TRPC4: variants seen among roughly 807,000 people sequenced by gnomAD.
The protein encoded by TRPC4 is transient receptor potential cation channel subfamily C member 4, also known as short transient receptor potential channel 4.
TRPC4 carries 49 observed loss-of-function variants against 99.4 expected under a neutral mutation model. That is an observed-to-expected ratio of 0.49 (90% CI 0.39 to 0.63). The LOEUF is 0.63. Ranked by LOEUF, TRPC4 falls within the 20% of genes least tolerant of loss-of-function variation. The pLI is 0.00. For synonymous variants in TRPC4, 454 were observed against 425.9 expected, an observed-to-expected ratio of 1.07 and a Z score of -0.81; for missense variants, 898 against 1,152.9, an observed-to-expected ratio of 0.78 and a Z score of 3.20.
chr13:37,708,932 T>C (rs1287182543), intron 3 of TRPC4, among the ~76,000 whole-genome samples: 2 of 151,964 alleles, frequency 1.3e-5, no homozygotes, highest in Non-Finnish European at 2.9e-5. Context: ...TAGAGGATCA[T>C]TTATGACATA....
At chr13:37,786,608 T>C (rs978362596) in intron 1 of TRPC4, among the ~76,000 whole-genome samples, 2 of 152,122 alleles carry the variant, frequency 1.3e-5, no homozygotes, top group Non-Finnish European at 1.5e-5. Flanking sequence ...GAAAGGCTAT[T>C]AAAGAACAGG....
At chr13:37,719,609 T>G (rs1954797394) in intron 3 of TRPC4, among the ~76,000 whole-genome samples, 1 of 152,098 alleles carries the variant, frequency 6.6e-6, no homozygotes, top group South Asian at 2.1e-4. Context: ...GACACTGTCT[T>G]GTGATGTTTA....
chr13:37,800,348 T>A (rs1320878141), intron 1 of TRPC4, among the ~76,000 whole-genome samples: 2 of 152,138 alleles, frequency 1.3e-5, no homozygotes, highest in Non-Finnish European at 2.9e-5. Context: ...GAAATAAAGG[T>A]GCACACCACT....
intron 2 of TRPC4, among the ~76,000 whole-genome samples, chr13:37,773,670 T>C (rs1266456703): frequency 6.6e-6 from 1 of 151,738 alleles, no homozygotes; most frequent in South Asian, 2.1e-4. Context: ...TGAAAGAACT[T>C]ACCACAAGGG....
chr13:37,852,828 C>T (rs1156556234), intron 1 of TRPC4, among the ~76,000 whole-genome samples: 1 of 152,146 alleles, frequency 6.6e-6, no homozygotes, highest in Admixed American at 6.5e-5. Flanking sequence ...CCTGGCAGAA[C>T]TCCACCATGG....
At chr13:37,762,892 G>T (rs1956263606) in intron 2 of TRPC4, among the ~76,000 whole-genome samples, 1 of 151,300 alleles carries the variant, frequency 6.6e-6, no homozygotes, top group South Asian at 2.1e-4. Context: ...ATAAAAAAAA[G>T]ACACTAATCT....
intron 5 of TRPC4, among the ~76,000 whole-genome samples, chr13:37,666,618 T>G (rs1032769649): frequency 6.6e-6 from 1 of 152,244 alleles, no homozygotes; most frequent in African/African-American, 2.4e-5. Context: ...ATAATTTTAA[T>G]TCTTCAATCA....
chr13:37,753,434 G>C (rs1202125736), intron 2 of TRPC4, among the ~76,000 whole-genome samples: 1 of 151,910 alleles, frequency 6.6e-6, no homozygotes, highest in Admixed American at 6.6e-5. Context: ...CATTAAAATT[G>C]AAATGGTTGG....
intron 2 of TRPC4, among the ~76,000 whole-genome samples, chr13:37,765,615 G>C (rs1186436048): frequency 6.6e-6 from 1 of 151,128 alleles, no homozygotes; most frequent in Non-Finnish European, 1.5e-5. Flanking sequence ...CCTGTATTTT[G>C]ACTGTATGAG....
At chr13:37,728,684 T>TA (rs1259188875) in intron 3 of TRPC4, among the ~76,000 whole-genome samples, 2 of 152,048 alleles carry the variant, frequency 1.3e-5, no homozygotes, top group Non-Finnish European at 2.9e-5. Flanking sequence ...AAATCTATCC[T>TA]AAAATCCATA....
chr13:37,675,594 C>T (rs1406000341), intron 4 of TRPC4, among the ~76,000 whole-genome samples: 1 of 152,194 alleles, frequency 6.6e-6, no homozygotes, highest in Non-Finnish European at 1.5e-5. Flanking sequence ...CCTCTCCAGG[C>T]TCCTCTCACC....
At chr13:37,738,977 C>A (rs1341898905) in intron 3 of TRPC4, among the ~76,000 whole-genome samples, 1 of 152,034 alleles carries the variant, frequency 6.6e-6, no homozygotes, top group Admixed American at 6.6e-5. Flanking sequence ...CCTAGATCTG[C>A]CTTTCCAAAA....
intron 1 of TRPC4, among the ~76,000 whole-genome samples, chr13:37,809,649 C>T (rs1299674521): frequency 2.0e-5 from 3 of 151,876 alleles, no homozygotes; most frequent in South Asian, 4.1e-4. Flanking sequence ...TTGAACAGAA[C>T]CTCATTAAAA....
rs1951423622 is a variant in TRPC4, at chr13:37,632,800, A to T, written c.*4103T>A. ...GAAAACAGTAAGAAACCAGCTTTTT[A>T]AAAATTCTCTTAACACAACTTTGTA... is the stretch of plus-strand genomic sequence containing the variant. On this transcript the variant is annotated 3_prime_UTR_variant, in exon 11 of 11. Transcript: ENST00000379705. Among the ~76,000 whole-genome samples, 1 of 152,232 alleles carries T rather than the reference A, an allele frequency of 6.6e-6. No individual in the cohort carries two copies. The highest frequency in any genetic ancestry group is 1.5e-5 in the Non-Finnish European group (1 of 68,042).
Position 37,859,069 on chromosome 13 carries a change from C to T in TRPC4, c.-28+10526G>A, listed in dbSNP as rs146338671. 1.8e-3 allele frequency among the ~76,000 whole-genome samples: 269 copies of T among 150,878 alleles called. 2 individuals carry two copies. Among genetic ancestry groups the T allele is most frequent in the African/African-American group, 6.1e-3 (250 of 41,286 alleles). ...CATAAATACATACACCTACTATGTA[C>T]ACAAAAAATTAAAAATAAAAAATAT... On this transcript the variant is annotated intron_variant, in intron 1 of 10. Coordinates refer to ENST00000379705, the MANE Select transcript of TRPC4 (RefSeq NM_016179.4).
At chr13:37,771,783 A>G (rs9548043) in intron 2 of TRPC4, among the ~76,000 whole-genome samples, 47,060 of 151,520 alleles carry the variant, frequency 0.31, 8,665 homozygotes, top group East Asian at 0.76. Flanking sequence ...TATGTAGAAG[A>G]AAAAAAGGAA....
chr13:37,743,791 C>T (rs1955662910), intron 3 of TRPC4, among the ~76,000 whole-genome samples: 2 of 152,144 alleles, frequency 1.3e-5, no homozygotes, highest in African/African-American at 4.8e-5. Context: ...AGGAATTTGG[C>T]AGCTTCAGTT....
At position 37,822,382 on chromosome 13, in the gene TRPC4, G is replaced by A. The variant is rs536288437; in HGVS notation, c.-27-39022C>T. Among the ~76,000 whole-genome samples the A allele has an allele frequency of 3.5e-3, 528 of 151,658 alleles. 2 individuals are homozygous for A. Among genetic ancestry groups the A allele is most frequent in the African/African-American group, 0.012 (498 of 41,298 alleles). ...GCTGGTGCGCTGCACCCACTAACTC[G>A]TCATCTAGCATTAGGTATATCTCCT... is the stretch of plus-strand genomic sequence containing the variant. On this transcript the variant is annotated intron_variant, in intron 1 of 10. Transcript: ENST00000379705.
At position 37,746,467 on chromosome 13, in the gene TRPC4, A is replaced by G; in HGVS notation, c.379-12T>C. ...AGTATAGGAGGCACCTAAAAAAAAAAAAGGCAGAGGTGATGAATATTTATT... is the reference window on the plus strand; with the variant it reads ...AGTATAGGAGGCACCTAAAAAAAAAGAAGGCAGAGGTGATGAATATTTATT... On this transcript the variant is annotated splice_polypyrimidine_tract_variant and intron_variant, in intron 2 of 10. Coordinates refer to ENST00000379705, the MANE Select transcript of TRPC4 (RefSeq NM_016179.4). The G allele has an allele frequency of 1.3e-6, 2 of 1,579,150 alleles. No individual in the cohort carries two copies. The highest frequency in any genetic ancestry group is 1.8e-4 in the Middle Eastern group (1 of 5,624).
Sources: gnomAD v4.1 joint callset for allele counts (sites outside exome capture counted in the v4.1 genomes callset) on GRCh38, gnomAD v4.1.1 for gene constraint, MANE v1.5 for transcripts, NCBI Gene and HGNC (gene_info 2026-07-23, HGNC 2026-07-21) for gene names.